ACCSL: variants seen among roughly 807,000 people sequenced by gnomAD.
The protein encoded by ACCSL is probable inactive 1-aminocyclopropane-1-carboxylate synthase-like protein 2.
A neutral mutation model predicts 61.7 loss-of-function variants in ACCSL; 55 were observed. That is an observed-to-expected ratio of 0.89 (90% CI 0.72 to 1.12). The LOEUF (loss-of-function observed/expected upper bound fraction) is 1.12, where lower values mean the gene tolerates loss of function less well. ACCSL is among the 50% of genes most tolerant of loss of function. ACCSL has a pLI of 0.00. For synonymous variants in ACCSL, 258 were observed against 264.3 expected, an observed-to-expected ratio of 0.98 and a Z score of 0.23; for missense variants, 632 against 698.0, an observed-to-expected ratio of 0.91 and a Z score of 1.07.
At chr11:43,967,852 G>T in the ACCSL span, among the ~76,000 whole-genome samples, 1 of 152,196 alleles carries the variant, frequency 6.6e-6, no homozygotes, top group Admixed American at 6.5e-5. Flanking sequence ...TCTGAGATCT[G>T]CTGCCACTGG....
chr11:43,936,122 G>A, the ACCSL span, among the ~76,000 whole-genome samples: 5 of 152,164 alleles, frequency 3.3e-5, no homozygotes, highest in African/African-American at 7.2e-5. Context: ...GTTGATATCC[G>A]CCAAGGTCCC....
the ACCSL span, among the ~76,000 whole-genome samples, chr11:43,985,314 G>A: frequency 1.3e-5 from 2 of 152,298 alleles, no homozygotes; most frequent in South Asian, 4.1e-4. Context: ...ATACCTGGGG[G>A]CTGTGTTTCC....
the ACCSL span, among the ~76,000 whole-genome samples, chr11:44,017,558 G>A: frequency 2.3e-3 from 343 of 152,296 alleles, 6 homozygotes; most frequent in Admixed American, 0.017. Context: ...AGGCTTGGGG[G>A]CAATCAGCTC....
chr11:44,039,992 C>A, the ACCSL span, among the ~76,000 whole-genome samples: 1 of 152,236 alleles, frequency 6.6e-6, no homozygotes, highest in Non-Finnish European at 1.5e-5. Flanking sequence ...TTACTGCCAT[C>A]TTTAACAAGG....
At chr11:43,971,824 C>T in the ACCSL span, among the ~76,000 whole-genome samples, 5 of 152,176 alleles carry the variant, frequency 3.3e-5, no homozygotes, top group African/African-American at 1.2e-4. Context: ...TTCCACCAAT[C>T]GTGCTGCCTC....
At chr11:43,925,453 G>T in the ACCSL span, 1 of 456,180 alleles carries the variant, frequency 2.2e-6, no homozygotes, top group Non-Finnish European at 4.4e-6. Context: ...ATGTGGCAAG[G>T]ATCCCTGCTG....
At chr11:44,042,636 TG>T in the ACCSL span, among the ~76,000 whole-genome samples, 117,932 of 147,364 alleles carry the variant, frequency 0.8, 46,291 homozygotes, top group Middle Eastern at 0.81. Flanking sequence ...GTTTTTTTTT[TG>T]TTTGTTTTGT....
chr11:43,991,061 A>G, the ACCSL span, among the ~76,000 whole-genome samples: 1 of 151,734 alleles, frequency 6.6e-6, no homozygotes, highest in African/African-American at 2.4e-5. Flanking sequence ...ACAGAGTGAG[A>G]CTGTGTCTCA....
the ACCSL span, chr11:43,971,521 A>G: frequency 1.3e-5 from 2 of 152,338 alleles, no homozygotes; most frequent in East Asian, 3.9e-4. Flanking sequence ...CCAGGATTTG[A>G]AACCAGGTCT....
chr11:43,989,689 A>G, the ACCSL span, among the ~76,000 whole-genome samples: 1 of 152,136 alleles, frequency 6.6e-6, no homozygotes, highest in Non-Finnish European at 1.5e-5. Flanking sequence ...GGGGCAGAGG[A>G]CTTTCCACTT....
At chr11:43,943,361 C>A in the ACCSL span, 1 of 1,390,656 alleles carries the variant, frequency 7.2e-7, no homozygotes, top group Non-Finnish European at 9.3e-7. This position sits in a 1 kb window ranked among gnomAD's most constrained non-coding sequence, Gnocchi z 4.8. Flanking sequence ...GCCCTGCTCC[C>A]GGGGGACCCG....
the ACCSL span, among the ~76,000 whole-genome samples, chr11:44,034,141 A>G: frequency 1.3e-5 from 2 of 152,170 alleles, no homozygotes; most frequent in South Asian, 2.1e-4. Context: ...GGTCATTATC[A>G]TCCCCCTAAC....
rs1952646023 is a variant in ACCSL, at chr11:44,052,590, G to C, written c.773-72G>C. 10 of 1,341,472 alleles carry C rather than the reference G, an allele frequency of 7.5e-6. No homozygotes were observed. The East Asian group carries it at 2.3e-4, about 31-fold the overall frequency. 83.1% of individuals were successfully genotyped at this position (1,341,472 alleles called of 1,614,324 possible). A position where few individuals can be genotyped will look rare whatever the true frequency, so the allele number is the denominator to read the frequency against. On this transcript the variant is annotated intron_variant, in intron 5 of 13. Coordinates refer to ENST00000378832, the MANE Select transcript of ACCSL (RefSeq NM_001031854.2). ...TTTTTTTCTGTCGATAGCTTTGCTAGTTTGGGGAGCCTGGCAACAGGCTCT... is the reference window on the plus strand; with the variant it reads ...TTTTTTTCTGTCGATAGCTTTGCTACTTTGGGGAGCCTGGCAACAGGCTCT...
the ACCSL span, among the ~76,000 whole-genome samples, chr11:44,031,865 G>T: frequency 6.6e-6 from 1 of 152,090 alleles, no homozygotes. Flanking sequence ...AGTCGCGGGG[G>T]CTGTCAGTCA....
chr11:44,016,588 G>T, the ACCSL span, among the ~76,000 whole-genome samples: 1 of 152,132 alleles, frequency 6.6e-6, no homozygotes, highest in Non-Finnish European at 1.5e-5. Flanking sequence ...ATCTGTTCAG[G>T]TTGGGGGTCC....
the ACCSL span, among the ~76,000 whole-genome samples, chr11:43,934,236 G>A: frequency 9.9e-5 from 15 of 152,118 alleles, no homozygotes; most frequent in Admixed American, 6.5e-5. Flanking sequence ...GCTCCCAGTC[G>A]TACCAGACGA....
chr11:43,993,843 G>A, the ACCSL span, among the ~76,000 whole-genome samples: 3 of 152,212 alleles, frequency 2.0e-5, no homozygotes, highest in Non-Finnish European at 4.4e-5. Flanking sequence ...TTGCTGCAGC[G>A]ATTGGGCGGT....
the ACCSL span, among the ~76,000 whole-genome samples, chr11:44,040,116 G>C: frequency 6.6e-6 from 1 of 152,230 alleles, no homozygotes; most frequent in Non-Finnish European, 1.5e-5. Flanking sequence ...TTCTTGCCAA[G>C]TTGTCTTTTC....
chr11:43,925,058 G>C, the ACCSL span: 188 of 188,582 alleles, frequency 1.0e-3, no homozygotes, highest in Non-Finnish European at 1.8e-3. Flanking sequence ...CCTGGAGTGA[G>C]AGGGAAAGGA....
Sources: gnomAD v4.1 joint callset for allele counts (sites outside exome capture counted in the v4.1 genomes callset) on GRCh38, gnomAD v4.1.1 for gene constraint, Gnocchi (gnomAD v3.1) non-coding constraint, MANE v1.5 for transcripts, NCBI Gene and HGNC (gene_info 2026-07-23, HGNC 2026-07-21) for gene names.